The following RSRC1 variants were observed in gnomAD, a reference collection of about 807,000 sequenced individuals.
The protein encoded by RSRC1 is serine/Arginine-related protein 53.
RSRC1 carries 39 observed loss-of-function variants against 49.1 expected under a neutral mutation model. That is an observed-to-expected ratio of 0.79 (90% CI 0.61 to 1.04). The LOEUF (loss-of-function observed/expected upper bound fraction) is 1.04, where lower values mean the gene tolerates loss of function less well. RSRC1 is among the 50% of genes least tolerant of loss of function. RSRC1 has a pLI of 0.00. For synonymous variants in RSRC1, 143 were observed against 130.8 expected (o/e 1.09, Z -0.63); for missense variants, 388 against 402.4 (o/e 0.96, Z 0.31).
intron 3 of RSRC1, among the ~76,000 whole-genome samples, chr3:158,159,977 C>T (rs534113815): frequency 6.6e-6 from 1 of 152,252 alleles, no homozygotes; most frequent in South Asian, 2.1e-4. Context: ...AAGCTTTTAT[C>T]TCTCTATTGC....
At chr3:158,525,239 A>G (rs1189278687) in intron 7 of RSRC1, among the ~76,000 whole-genome samples, 2 of 152,030 alleles carry the variant, frequency 1.3e-5, no homozygotes, top group Non-Finnish European at 2.9e-5. Context: ...CAATTAAACA[A>G]TGAAGAAAAG....
chr3:158,390,164 G>A (rs1017952831), intron 6 of RSRC1, among the ~76,000 whole-genome samples: 1 of 152,172 alleles, frequency 6.6e-6, no homozygotes, highest in East Asian at 1.9e-4. Flanking sequence ...TGACTGTTGA[G>A]TGTTTGTATA....
intron 7 of RSRC1, among the ~76,000 whole-genome samples, chr3:158,491,145 T>C (rs920920059): frequency 1.3e-5 from 2 of 152,226 alleles, no homozygotes; most frequent in African/African-American, 2.4e-5. Context: ...ATGTGGCTTA[T>C]ATGATAGCTA....
At chr3:158,196,536 T>G (rs1559938198) in intron 3 of RSRC1, among the ~76,000 whole-genome samples, 1 of 152,180 alleles carries the variant, frequency 6.6e-6, no homozygotes, top group Non-Finnish European at 1.5e-5. Flanking sequence ...TCTAACACTA[T>G]GTTGAATAGG....
At chr3:158,153,887 T>C (rs976904361) in intron 3 of RSRC1, among the ~76,000 whole-genome samples, 1 of 152,126 alleles carries the variant, frequency 6.6e-6, no homozygotes, top group Non-Finnish European at 1.5e-5. Flanking sequence ...TAGAGTAAAT[T>C]TATATGATGA....
intron 7 of RSRC1, among the ~76,000 whole-genome samples, chr3:158,478,221 C>A (rs1738466098): frequency 6.6e-6 from 1 of 151,412 alleles, no homozygotes; most frequent in Non-Finnish European, 1.5e-5. Context: ...CACTGTTAGA[C>A]CTAGGTTTTG....
intron 6 of RSRC1, among the ~76,000 whole-genome samples, chr3:158,425,658 G>A (rs1384396921): frequency 2.0e-5 from 3 of 151,882 alleles, no homozygotes; most frequent in Non-Finnish European, 1.5e-5. Flanking sequence ...CTGTCTCGTT[G>A]ATCTGTCTAA....
chr3:158,266,276 T>G (rs940891605), intron 4 of RSRC1, among the ~76,000 whole-genome samples: 5 of 152,162 alleles, frequency 3.3e-5, no homozygotes, highest in Admixed American at 3.3e-4. Flanking sequence ...TTTGATCTTT[T>G]TGTAGCTACT....
At chr3:158,196,679 A>G (rs930597415) in intron 3 of RSRC1, among the ~76,000 whole-genome samples, 1 of 152,188 alleles carries the variant, frequency 6.6e-6, no homozygotes, top group African/African-American at 2.4e-5. Context: ...TGTCTCATCA[A>G]TACCTAATTT....
chr3:158,252,323 G>C (rs566922908), intron 4 of RSRC1, among the ~76,000 whole-genome samples: 1 of 129,614 alleles, frequency 7.7e-6, no homozygotes, highest in South Asian at 2.3e-4. Context: ...CACCACGCCC[G>C]GCTAATTTTT....
chr3:158,426,836 A>G (rs991773258), intron 6 of RSRC1, among the ~76,000 whole-genome samples: 1 of 151,784 alleles, frequency 6.6e-6, no homozygotes, highest in Non-Finnish European at 1.5e-5. Flanking sequence ...GGAGCCAAAA[A>G]GGAATGGGGG....
At chr3:158,167,073 A>G (rs928993009) in intron 3 of RSRC1, among the ~76,000 whole-genome samples, 1 of 152,180 alleles carries the variant, frequency 6.6e-6, no homozygotes, top group Non-Finnish European at 1.5e-5. Flanking sequence ...CTGTACATCT[A>G]TCAAGTTGTC....
At position 158,168,755 on chromosome 3, in the gene RSRC1, A is replaced by G. The variant is rs553709133; in HGVS notation, c.321-34317A>G. 2.0e-4 allele frequency among the ~76,000 whole-genome samples: 31 copies of G among 152,290 alleles called. No individual in the cohort carries two copies. In the East Asian group the frequency reaches 4.2e-3, roughly 21 times the overall value. On this transcript the variant is annotated intron_variant, in intron 3 of 9. Transcript: ENST00000611884. ...TGGTTTCTTGGCTGTAGAACTAGTAACTAGTTTATTAGTTAATGTTGGAGG... is the reference window on the plus strand; with the variant it reads ...TGGTTTCTTGGCTGTAGAACTAGTAGCTAGTTTATTAGTTAATGTTGGAGG...
chr3:158,266,797 G>A (rs1006192118), intron 4 of RSRC1, among the ~76,000 whole-genome samples: 7 of 151,888 alleles, frequency 4.6e-5, no homozygotes, highest in Non-Finnish European at 7.4e-5. Context: ...GCCCAGGCTG[G>A]AGTGCAATGG....
intron 6 of RSRC1, among the ~76,000 whole-genome samples, chr3:158,430,993 T>C (rs1295925598): frequency 6.6e-6 from 1 of 151,918 alleles, no homozygotes; most frequent in Non-Finnish European, 1.5e-5. Context: ...ACAAGACACA[T>C]TAGCATATTG....
rs762816099 is a variant in RSRC1 at position 158,315,088 on chromosome 3, C to T, written c.531+17013C>T. Among the ~76,000 whole-genome samples the T allele has an allele frequency of 3.0e-4, 45 of 151,862 alleles. 2 individuals carry two copies. The highest frequency in any genetic ancestry group is 9.8e-4 in the Admixed American group (15 of 15,266). ...TGCCTTTTAGACTCTGATACTGTGT[C>T]AAAATGTTACTTAATGTGCATATAT... On this transcript the variant is annotated intron_variant, in intron 5 of 9. Coordinates refer to ENST00000611884, the MANE Select transcript of RSRC1 (RefSeq NM_001271838.2).
At chr3:158,131,870 AGT>A (rs1716046291) in intron 3 of RSRC1, among the ~76,000 whole-genome samples, 1 of 152,218 alleles carries the variant, frequency 6.6e-6, no homozygotes, top group African/African-American at 2.4e-5. Flanking sequence ...AATTTGAAAA[AGT>A]AATATAATTT....
At chr3:158,195,828 G>A (rs937354831) in intron 3 of RSRC1, among the ~76,000 whole-genome samples, 1 of 152,060 alleles carries the variant, frequency 6.6e-6, no homozygotes, top group African/African-American at 2.4e-5. Flanking sequence ...CATTATTTCT[G>A]AGGGCTCTGT....
At position 158,331,015 on chromosome 3, in the gene RSRC1, G is replaced by A. The variant is rs371805133; in HGVS notation, c.532-23842G>A. On this transcript the variant is annotated intron_variant, in intron 5 of 9. Transcript: ENST00000611884. ...TGGCAGCAGACGATACAGAGAGCAT[G>A]TGCAGGGGAATTCCCCTTTGTAAAA... 3.0e-4 allele frequency among the ~76,000 whole-genome samples: 46 copies of A among 152,288 alleles called. No homozygotes were observed. The East Asian group carries it at 6.6e-3, about 22-fold the overall frequency.
Sources: allele counts gnomAD v4.1 joint callset (sites outside exome capture counted in the v4.1 genomes callset), GRCh38; gene constraint gnomAD v4.1.1; transcripts MANE v1.5; gene names NCBI Gene and HGNC (gene_info 2026-07-23, HGNC 2026-07-21).